Variants in PIBF1 observed in about 807,000 individuals in gnomAD.
PIBF1 encodes the protein progesterone immunomodulatory binding factor 1.
In PIBF1, 90 loss-of-function variants were observed where a neutral mutation model predicts 112.5. The ratio of observed to expected loss-of-function variants is 0.80; its 90% CI spans 0.67 to 0.95. PIBF1 has a LOEUF of 0.95. PIBF1 is among the 40% of genes least tolerant of loss of function. The pLI is 0.00. For synonymous variants in PIBF1, 301 were observed against 288.6 expected, an observed-to-expected ratio of 1.04 and a Z score of -0.44; for missense variants, 915 against 852.3, an observed-to-expected ratio of 1.07 and a Z score of -0.92.
intron 17 of PIBF1, among the ~76,000 whole-genome samples, chr13:73,012,264 G>C (rs1359042406): frequency 3.3e-5 from 5 of 151,980 alleles, no homozygotes; most frequent in African/African-American, 1.2e-4. Flanking sequence ...AGGCAGGAGA[G>C]TTGCTTGAAC....
chr13:72,798,297 G>A (rs1279899763), intron 5 of PIBF1, among the ~76,000 whole-genome samples: 1 of 152,096 alleles, frequency 6.6e-6, no homozygotes, highest in African/African-American at 2.4e-5. Context: ...ATCCTAATAT[G>A]GGCTATATCT....
chr13:72,870,340 A>G (rs1483443456), intron 10 of PIBF1, among the ~76,000 whole-genome samples: 1 of 152,216 alleles, frequency 6.6e-6, no homozygotes, highest in Admixed American at 6.5e-5. Flanking sequence ...TTATGAACTC[A>G]GCACTTTACT....
chr13:72,792,957 A>G (rs2035012216), intron 3 of PIBF1, among the ~76,000 whole-genome samples: 2 of 152,224 alleles, frequency 1.3e-5, no homozygotes, highest in Admixed American at 1.3e-4. Flanking sequence ...TATGGCAATT[A>G]TACTTATGTA....
At chr13:73,010,846 A>G (rs1751261658) in intron 17 of PIBF1, among the ~76,000 whole-genome samples, 1 of 33,768 alleles carries the variant, frequency 3.0e-5, no homozygotes, top group African/African-American at 1.7e-4. Context: ...TTTTTGAGAC[A>G]GAGTTTTTCA....
chr13:72,879,776 G>GT lies in PIBF1; in HGVS notation c.1323-14000dup, dbSNP rs201845186. 1.9e-3 allele frequency among the ~76,000 whole-genome samples: 294 copies of GT among 151,978 alleles called. 1 individual carries two copies. Among genetic ancestry groups the GT allele is most frequent in the East Asian group, 8.1e-3 (42 of 5,158 alleles). ...CTGCAAGCTAAGATTGGTTTGTGTGGTTTTTTTTAATTATGAGGGGGAAAT... is the reference window on the plus strand; with the variant it reads ...CTGCAAGCTAAGATTGGTTTGTGTGGTTTTTTTTTAATTATGAGGGGGAAAT... On this transcript the variant is annotated intron_variant, in intron 10 of 17. Transcript: ENST00000326291.
At chr13:72,796,250 A>G (rs541920756) in intron 4 of PIBF1, among the ~76,000 whole-genome samples, 3 of 144,166 alleles carry the variant, frequency 2.1e-5, no homozygotes, top group East Asian at 1.9e-4. Context: ...TGAAACGGGG[A>G]AAAAAAATCT....
At chr13:72,873,281 T>C (rs1224403145) in intron 10 of PIBF1, among the ~76,000 whole-genome samples, 1 of 152,174 alleles carries the variant, frequency 6.6e-6, no homozygotes, top group African/African-American at 2.4e-5. Context: ...AATTAATTTG[T>C]AATTCATACA....
At chr13:72,986,676 C>CTTTTTTTTTTTTTTTTTTTTTTTTTTT (rs765529786) in intron 16 of PIBF1, among the ~76,000 whole-genome samples, 1 of 89,006 alleles carries the variant, frequency 1.1e-5, no homozygotes. Flanking sequence ...TTTCTGTCAT[C>CTTTTTTTTTTTTTTTTTTTTTTTTTTT]TTTTTTTTTT....
At chr13:72,974,371 C>T (rs2042969214) in intron 16 of PIBF1, 1 of 152,136 alleles carries the variant, frequency 6.6e-6, no homozygotes, top group Non-Finnish European at 1.5e-5. Context: ...GACCCTTTTC[C>T]TCAACCCCCA....
intron 13 of PIBF1, among the ~76,000 whole-genome samples, chr13:72,918,383 A>ATT (rs60024983): frequency 2.2e-4 from 23 of 102,960 alleles, no homozygotes; most frequent in East Asian, 8.3e-4. Context: ...GCAACTACCT[A>ATT]TTTTTTTTTT....
intron 5 of PIBF1, among the ~76,000 whole-genome samples, chr13:72,799,500 C>G (rs1202640089): frequency 6.6e-6 from 1 of 152,102 alleles, no homozygotes; most frequent in East Asian, 1.9e-4. Context: ...CAGTTGTTTT[C>G]TTTTCTTCTC....
At chr13:72,815,250 T>C (rs984673142) in intron 5 of PIBF1, among the ~76,000 whole-genome samples, 1 of 152,214 alleles carries the variant, frequency 6.6e-6, no homozygotes, top group Non-Finnish European at 1.5e-5. Flanking sequence ...TTAAACAGAG[T>C]ATATTCCAGC....
At chr13:72,813,834 G>A (rs1288803699) in intron 5 of PIBF1, among the ~76,000 whole-genome samples, 2 of 136,566 alleles carry the variant, frequency 1.5e-5, no homozygotes, top group African/African-American at 5.6e-5. Context: ...GAAATTGATA[G>A]AGACCGTCTT....
At chr13:72,880,377 A>T (rs547322124) in intron 10 of PIBF1, among the ~76,000 whole-genome samples, 36 of 152,368 alleles carry the variant, frequency 2.4e-4, no homozygotes, top group African/African-American at 6.5e-4. Flanking sequence ...GCCAGGAAAC[A>T]TACAAAGTCA....
intron 13 of PIBF1, among the ~76,000 whole-genome samples, chr13:72,922,449 A>G (rs893969021): frequency 2.6e-5 from 4 of 152,318 alleles, no homozygotes; most frequent in Admixed American, 2.6e-4. Context: ...TTCTAGTTAC[A>G]TGTTTTGGTT....
At position 72,973,547 on chromosome 13, in the gene PIBF1, A is replaced by G. The variant is rs373078335; in HGVS notation, c.1965-44A>G. ...TATTTACCATTTATTAACTATATTT[A>G]TACTAACATAATGACTTTTTAAAAC... is the stretch of plus-strand genomic sequence containing the variant. On this transcript the variant is annotated intron_variant, in intron 15 of 17. Transcript: ENST00000326291. The G allele has an allele frequency of 3.4e-4, 321 of 936,116 alleles. 1 individual carries two copies. The highest frequency in any genetic ancestry group is 3.2e-3 in the Middle Eastern group (12 of 3,708). The allele number at this position is 936,116 out of a possible 1,614,324, so 58.0% of individuals were successfully genotyped here.
chr13:72,881,089 T>C (rs1429742472), intron 10 of PIBF1: 1 of 97,700 alleles, frequency 1.0e-5, no homozygotes, highest in East Asian at 3.1e-4. Context: ...TATTAGATGA[T>C]AGGATTTTTT....
At chr13:72,962,675 A>C (rs1176374086) in intron 14 of PIBF1, among the ~76,000 whole-genome samples, 2 of 152,166 alleles carry the variant, frequency 1.3e-5, no homozygotes, top group Non-Finnish European at 2.9e-5. Context: ...ATGGATTAGA[A>C]GATTTAATGT....
At chr13:72,795,331 G>A in intron 3 of PIBF1, 28 bp from the exon 4 acceptor site, 1 of 1,381,362 alleles carries the variant, frequency 7.2e-7, no homozygotes, top group Non-Finnish European at 1.0e-6. Flanking sequence ...CTTTTTTAAA[G>A]CCTGCCATAA....
Sources: allele counts gnomAD v4.1 joint callset (sites outside exome capture counted in the v4.1 genomes callset), GRCh38; gene constraint gnomAD v4.1.1; transcripts MANE v1.5; gene names NCBI Gene and HGNC (gene_info 2026-07-23, HGNC 2026-07-21).